Variants in ACSM2B observed in about 807,000 individuals in gnomAD.
The protein encoded by ACSM2B is acyl-coenzyme A synthetase ACSM2B, mitochondrial.
A neutral mutation model predicts 78.6 loss-of-function variants in ACSM2B; 58 were observed. That is an observed-to-expected ratio of 0.74 (90% CI 0.60 to 0.92). ACSM2B has a LOEUF of 0.92. Among genes scored for constraint, ACSM2B ranks in the 40% least tolerant of loss-of-function variants. ACSM2B has a pLI of 0.00. For missense variants in ACSM2B, 688 were observed against 711.2 expected, an observed-to-expected ratio of 0.97 and a Z score of 0.37; for synonymous variants, 257 against 256.8, an observed-to-expected ratio of 1.00 and a Z score of -0.01.
In ACSM2B at chr16:20,546,419, G is replaced by A. The variant is rs146865904; in HGVS notation, c.1154C>T (p.Thr385Met). The stretch of plus-strand genomic sequence containing the variant: ...CTGTACATCATAACAGGAAGCAGCC[G>A]TTCCCATGTATCCTGGTTTGATTTT... ...TMKIKPGYMGTAASCYDVQVI... is the reference protein window; with the variant it reads ...TMKIKPGYMGMAASCYDVQVI... The change falls in exon 9 of 14, where the codon ACG (threonine) becomes ATG (methionine). Residue 385 changes from threonine to methionine, a missense_variant. Transcript: ENST00000329697. 4.1e-4 allele frequency: 654 copies of A among 1,608,632 alleles called. No homozygotes were observed. Among genetic ancestry groups the A allele is most frequent in the African/African-American group, 7.2e-4 (54 of 74,830 alleles).
At chr16:20,563,241 A>T (rs928907233) in intron 2 of ACSM2B, among the ~76,000 whole-genome samples, 1 of 152,170 alleles carries the variant, frequency 6.6e-6, no homozygotes, top group Non-Finnish European at 1.5e-5. Context: ...TACTCTTATT[A>T]TGAGGGAGGG....
At chr16:20,569,789 T>G (rs1447519336) in intron 1 of ACSM2B, among the ~76,000 whole-genome samples, 8 of 151,236 alleles carry the variant, frequency 5.3e-5, no homozygotes, top group African/African-American at 9.7e-5. Flanking sequence ...GGTCTTTGGT[T>G]AGGTATATTC....
At chr16:20,550,447 C>T (rs1424453527) in intron 6 of ACSM2B, among the ~76,000 whole-genome samples, 1 of 152,120 alleles carries the variant, frequency 6.6e-6, no homozygotes, top group African/African-American at 2.4e-5. Context: ...ACACCTCCAA[C>T]CTATATTTTC....
rs551254248 is a variant in ACSM2B, at chr16:20,540,502, C to T, written c.1629+152G>A. The T allele has an allele frequency of 5.1e-4, 708 of 1,378,262 alleles. 2 individuals carry two copies. The African/African-American group carries it at 9.4e-3, about 18-fold the overall frequency. The allele number at this position is 1,378,262 out of a possible 1,614,324, so 85.4% of individuals were successfully genotyped here. ...AGGTGATCCACCCGCCTTGGCCTTC[C>T]AAAGTGCTGGGATTGCAGGTGTCAG... On this transcript the variant is annotated intron_variant, in intron 13 of 13. Transcript: ENST00000329697.
chr16:20,573,033 A>C (rs1460589165), intron 1 of ACSM2B, among the ~76,000 whole-genome samples: 1 of 150,130 alleles, frequency 6.7e-6, no homozygotes, highest in Admixed American at 6.6e-5. Context: ...TGATTAGCTT[A>C]ATAATTGCCC....
chr16:20,570,170 CA>C (rs1388271160), intron 1 of ACSM2B, among the ~76,000 whole-genome samples: 1 of 151,850 alleles, frequency 6.6e-6, no homozygotes, highest in Non-Finnish European at 1.5e-5. Flanking sequence ...AACTTTTCCC[CA>C]TTCACTATTA....
chr16:20,552,532 A>C lies in ACSM2B; in HGVS notation c.741-235T>G, dbSNP rs566351623. ...TTCGGAAGGTGGGACCCCAGTTGACATGACTTAATATATAATTGGGTCTCA... is the reference window on the plus strand; with the variant it reads ...TTCGGAAGGTGGGACCCCAGTTGACCTGACTTAATATATAATTGGGTCTCA... On this transcript the variant is annotated intron_variant, in intron 5 of 13. Transcript: ENST00000329697. 5.9e-5 allele frequency among the ~76,000 whole-genome samples: 9 copies of C among 152,276 alleles called. No individual in the cohort carries two copies. In the East Asian group the frequency reaches 1.4e-3, roughly 23 times the overall value.
At chr16:20,568,730 A>C (rs140252015) in intron 1 of ACSM2B, among the ~76,000 whole-genome samples, 2 of 151,626 alleles carry the variant, frequency 1.3e-5, no homozygotes, top group Admixed American at 6.6e-5. Flanking sequence ...CAACATCTAT[A>C]ATTTTTTTTG....
At chr16:20,568,158 G>T (rs2015985222) in intron 1 of ACSM2B, among the ~76,000 whole-genome samples, 2 of 142,678 alleles carry the variant, frequency 1.4e-5, no homozygotes, top group Non-Finnish European at 1.5e-5. Context: ...AAGGAGGAAA[G>T]GCACAGGAGT....
chr16:20,540,550 A>G, intron 13 of ACSM2B, 104 bp downstream of exon 13: 2 of 1,540,724 alleles, frequency 1.3e-6, no homozygotes, highest in South Asian at 1.2e-5. Flanking sequence ...GCCCAGGAAG[A>G]CTTTTTAAAA....
rs534821163 is a variant in ACSM2B at position 20,560,136 on chromosome 16, G to A, written c.178-689C>T. Among the ~76,000 whole-genome samples, 14 of 150,876 alleles carry A rather than the reference G, an allele frequency of 9.3e-5. 1 individual carries two copies. Among genetic ancestry groups the A allele is most frequent in the African/African-American group, 3.2e-4 (13 of 40,420 alleles). On this transcript the variant is annotated intron_variant, in intron 2 of 13. Transcript: ENST00000329697. ...CCCGAAGTTTTTCATCATCCAAAAC[G>A]AAAACTCTGTCCCCGTTACACAATC...
At chr16:20,557,693 C>T (rs183610966) in intron 3 of ACSM2B, among the ~76,000 whole-genome samples, 1 of 152,228 alleles carries the variant, frequency 6.6e-6, no homozygotes, top group Admixed American at 6.5e-5. Context: ...CAATATAGCA[C>T]CTGGCCACCT....
At chr16:20,549,958 T>C (rs572282041) in intron 6 of ACSM2B, 75 of 338,714 alleles carry the variant, frequency 2.2e-4, no homozygotes, top group Middle Eastern at 2.2e-3. Flanking sequence ...AGGAAGCTTT[T>C]AGGTACTGAC....
In ACSM2B at chr16:20,553,863, G is replaced by A. The variant is rs760865300; in HGVS notation, c.654C>T (p.Ile218=). ...VETGSQEASA[I]YFTSGTSGLP... The stretch of plus-strand genomic sequence containing the variant: ...GACCACTGGTCCCACTAGTGAAGTA[G>A]ATGGCAGATGCTTCCTGGCTTCCAG... Residue 218 remains isoleucine (I), a synonymous_variant, in exon 5 of 14, where the codon ATC becomes ATT. Transcript: ENST00000329697. The A allele has an allele frequency of 1.8e-5, 29 of 1,613,978 alleles. No homozygotes were observed. Among genetic ancestry groups the A allele is most frequent in the Non-Finnish European group, 2.4e-5 (28 of 1,179,894 alleles).
In ACSM2B at chr16:20,546,832, CT is replaced by C. The variant is rs751118277; in HGVS notation, c.1099-359del. 2.3e-4 allele frequency: 46 copies of C among 197,950 alleles called. No homozygotes were observed. The East Asian group carries it at 5.1e-3, about 22-fold the overall frequency. 12.3% of individuals were successfully genotyped at this position (197,950 alleles called of 1,614,324 possible). On this transcript the variant is annotated intron_variant, in intron 8 of 13. Coordinates refer to ENST00000329697, the MANE Select transcript of ACSM2B (RefSeq NM_001105069.2). ...TGCAATCTGTAAGACCTAAAATATA[CT>C]TACTTTTATTTTTATTTTGAATTTT...
Position 20,542,608 on chromosome 16 carries a change from A to G in ACSM2B, c.1509+306T>C, listed in dbSNP as rs2015025463. The G allele has an allele frequency of 1.4e-5, 5 of 366,840 alleles. No homozygotes were observed. The South Asian group carries it at 2.3e-4, about 17-fold the overall frequency. The allele number at this position is 366,840 out of a possible 1,614,324, so 22.7% of individuals were successfully genotyped here. ...TATGCTGATTTCTTTTCCTTTGGAT[A>G]AATACCCAGTAGTGGGATTGCTGGA... is the stretch of plus-strand genomic sequence containing the variant. On this transcript the variant is annotated intron_variant, in intron 12 of 13. Transcript: ENST00000329697.
In ACSM2B at chr16:20,559,400, C is replaced by G; in HGVS notation, c.225G>C (p.Lys75Asn). 1 of 1,613,198 alleles carries G rather than the reference C, an allele frequency of 6.2e-7. No homozygotes were observed. The highest frequency in any genetic ancestry group is 8.5e-7 in the Non-Finnish European group (1 of 1,179,592). The change falls in exon 3 of 14, where the codon AAG becomes AAC. Residue 75 changes from lysine (K) to asparagine (N), a missense_variant. Physicochemically the swap from Lys to Asn is moderately conservative, Grantham distance 94. Coordinates refer to ENST00000329697, the MANE Select transcript of ACSM2B (RefSeq NM_001105069.2). ...PSPALWWVNGKGKELMWNFRE... is the reference protein window; with the variant it reads ...PSPALWWVNGNGKELMWNFRE... ...TGAAATTCCACATTAATTCCTTCCC[C>G]TTCCCATTCACCCACCACAGGGCTG...
rs200623268 is a variant in ACSM2B, at chr16:20,540,717, C to G, written c.1566G>C (p.Gln522His). 1.2e-6 allele frequency: 2 copies of G among 1,614,082 alleles called. No individual in the cohort carries two copies. Among genetic ancestry groups the G allele is most frequent in the Non-Finnish European group, 1.7e-6 (2 of 1,179,996 alleles). ...ASQFLSHDPE[Q>H]LTKELQQHVK... Reference sequence around the variant, plus strand: ...CATGCTGCTGCAGCTCCTTGGTGAGCTGTTCTGGGTCATGGGATAGGAACT... The same window carrying G: ...CATGCTGCTGCAGCTCCTTGGTGAGGTGTTCTGGGTCATGGGATAGGAACT... Residue 522 changes from glutamine to histidine, a missense_variant, in exon 13 of 14, where the codon CAG (glutamine) becomes CAC (histidine). Gln to His is a conservative substitution (Grantham distance 24). Transcript: ENST00000329697.
At chr16:20,564,972 T>A in intron 1 of ACSM2B, 119 bp from the exon 2 acceptor site, 1 of 1,399,948 alleles carries the variant, frequency 7.1e-7, no homozygotes, top group Non-Finnish European at 9.4e-7. Context: ...ATTAATTTGC[T>A]GTAGTTATGA....
Sources: gnomAD v4.1 joint callset for allele counts (sites outside exome capture counted in the v4.1 genomes callset) on GRCh38, gnomAD v4.1.1 for gene constraint, MANE v1.5 for transcripts, NCBI Gene and HGNC (gene_info 2026-07-23, HGNC 2026-07-21) for gene names.